MTA3: variants seen among roughly 807,000 people sequenced by gnomAD.
MTA3 encodes the protein metastasis associated 1 family member 3.
In MTA3, 34 loss-of-function variants were observed where a neutral mutation model predicts 83.5. The observed-to-expected ratio is 0.41, with a 90% CI of 0.31 to 0.54. MTA3 has a LOEUF of 0.54. MTA3 is among the 20% of genes least tolerant of loss of function. The pLI is 0.33. For synonymous variants in MTA3, 303 were observed against 252.7 expected (o/e 1.20, Z -1.89); for missense variants, 761 against 726.4 (o/e 1.05, Z -0.55).
intron 2 of MTA3, among the ~76,000 whole-genome samples, chr2:42,574,012 T>A (rs1302813446): frequency 6.7e-6 from 1 of 149,690 alleles, no homozygotes; most frequent in Non-Finnish European, 1.5e-5. Context: ...TTATTTATTA[T>A]TTATTAGTAG....
intron 3 of MTA3, among the ~76,000 whole-genome samples, chr2:42,588,880 G>T (rs1459922573): frequency 2.6e-5 from 4 of 151,976 alleles, no homozygotes; most frequent in Non-Finnish European, 5.9e-5. Context: ...GCAAGGAACT[G>T]GTTTACATAA....
chr2:42,742,983 C>G (rs1216816488), intron 16 of MTA3, among the ~76,000 whole-genome samples: 1 of 152,136 alleles, frequency 6.6e-6, no homozygotes. Flanking sequence ...TTTTGAGGAG[C>G]ATTGAAGGCA....
At chr2:42,507,983 A>G (rs536300845) in intron 2 of MTA3, among the ~76,000 whole-genome samples, 2 of 152,152 alleles carry the variant, frequency 1.3e-5, no homozygotes, top group South Asian at 4.1e-4. Flanking sequence ...AGTTAAAAAA[A>G]ATCTGAGCAT....
chr2:42,704,299 A>G lies in MTA3; in HGVS notation c.1131A>G (p.Arg377=). The change falls in exon 12 of 17, where the codon AGA becomes AGG. Residue 377 remains arginine (R), a synonymous_variant. Coordinates refer to ENST00000405094, the MANE Select transcript of MTA3 (RefSeq NM_001330442.2). The stretch of plus-strand genomic sequence containing the variant: ...AGCCTCAGAATCCTCTCTTAGGGAG[A>G]GCCTGTGAGAGCTGCTATGGTAAGT... ...TFQPQNPLLG[R]ACESCYATQS... 1 of 1,613,826 alleles carries G rather than the reference A, an allele frequency of 6.2e-7. No homozygotes were observed. Among genetic ancestry groups the G allele is most frequent in the Non-Finnish European group, 8.5e-7 (1 of 1,179,806 alleles).
intron 3 of MTA3, 145 bp from the exon 4 acceptor site, chr2:42,609,313 T>C: frequency 2.3e-6 from 2 of 854,560 alleles, no homozygotes; most frequent in Middle Eastern, 3.0e-4. Flanking sequence ...ATTACAAGCA[T>C]GAGCCACTGC....
chr2:42,723,204 G>A lies in MTA3; in HGVS notation c.1759+169G>A, dbSNP rs140322866. On this transcript the variant is annotated intron_variant, in intron 16 of 16. Transcript: ENST00000405094. ...CAGCCATATGCCACATTTTGCCAAG[G>A]GATAGTTCTCCATCCCATCAGGAGG... 4.1e-4 allele frequency: 333 copies of A among 805,436 alleles called. 2 individuals are homozygous for A. Among genetic ancestry groups the A allele is most frequent in the South Asian group, 2.6e-3 (138 of 52,652 alleles). The allele number at this position is 805,436 out of a possible 1,614,324, so 49.9% of individuals were successfully genotyped here. A position where few individuals can be genotyped will look rare whatever the true frequency, so the allele number is the denominator to read the frequency against.
intron 9 of MTA3, among the ~76,000 whole-genome samples, chr2:42,694,260 G>T (rs73930455): frequency 6.6e-6 from 1 of 151,806 alleles, no homozygotes; most frequent in South Asian, 2.1e-4. Context: ...AGCCACCCTG[G>T]GTGTCTCCCT....
At chr2:42,534,849 C>A (rs1676145044) in intron 2 of MTA3, among the ~76,000 whole-genome samples, 1 of 151,968 alleles carries the variant, frequency 6.6e-6, no homozygotes, top group African/African-American at 2.4e-5. Context: ...GTCTTGAATC[C>A]TGAGCTCAAG....
intron 2 of MTA3, among the ~76,000 whole-genome samples, chr2:42,573,902 T>C (rs1217736709): frequency 6.6e-6 from 1 of 151,824 alleles, no homozygotes; most frequent in East Asian, 1.9e-4. Flanking sequence ...CACTGCAAGC[T>C]CCGCCTCCTG....
chr2:42,652,489 T>G (rs941660094), intron 6 of MTA3, among the ~76,000 whole-genome samples: 1 of 152,138 alleles, frequency 6.6e-6, no homozygotes, highest in Non-Finnish European at 1.5e-5. Context: ...AGGTGAAATA[T>G]TCTGGTTTTA....
Position 42,749,660 on chromosome 2 carries a change from G to T in MTA3, c.1760-3714G>T, listed in dbSNP as rs189344244. On this transcript the variant is annotated intron_variant, in intron 16 of 16. Transcript: ENST00000405094. ...TTTTTGTAGTTTTAGGAGAGACAGG[G>T]TTTTGTCGTGTTGGCCAGGCTGGTC... 3.9e-3 allele frequency among the ~76,000 whole-genome samples: 597 copies of T among 152,126 alleles called. 2 individuals are homozygous for T. The highest frequency in any genetic ancestry group is 5.6e-3 in the Non-Finnish European group (379 of 67,990).
intron 2 of MTA3, among the ~76,000 whole-genome samples, chr2:42,550,898 C>T (rs190843611): frequency 1.3e-5 from 2 of 151,768 alleles, no homozygotes; most frequent in Admixed American, 6.6e-5. Flanking sequence ...AAAAATTAGC[C>T]GGGCATGGTG....
intron 4 of MTA3, among the ~76,000 whole-genome samples, chr2:42,639,340 A>ACG (rs1687491904): frequency 6.6e-6 from 1 of 151,970 alleles, no homozygotes; most frequent in Non-Finnish European, 1.5e-5. Flanking sequence ...ATTTTAAAGA[A>ACG]ACATTGTGTG....
rs753432347 is a variant in MTA3 at position 42,708,847 on chromosome 2, A to T, written c.1303-27A>T. 7 of 1,611,742 alleles carry T rather than the reference A, an allele frequency of 4.3e-6. No homozygotes were observed. The African/African-American group carries it at 9.4e-5, about 22-fold the overall frequency. ...GTGTTTGGGCAAGTTCACTTCCTTG[A>T]GTGTTTGTTGTTTTCTGATTTTGCA... is the stretch of plus-strand genomic sequence containing the variant. On this transcript the variant is annotated intron_variant, in intron 13 of 16. Transcript: ENST00000405094.
intron 2 of MTA3, among the ~76,000 whole-genome samples, chr2:42,526,167 A>G (rs1408237635): frequency 6.6e-6 from 1 of 152,148 alleles, no homozygotes; most frequent in Non-Finnish European, 1.5e-5. Flanking sequence ...ATAAAGCCCC[A>G]GAGAAAGGCC....
At chr2:42,627,025 G>T (rs529873611) in intron 4 of MTA3, among the ~76,000 whole-genome samples, 1 of 152,306 alleles carries the variant, frequency 6.6e-6, no homozygotes, top group Admixed American at 6.5e-5. Context: ...ACAGGCATGA[G>T]CCACTGCACC....
At chr2:42,617,700 C>T (rs746425311) in intron 4 of MTA3, among the ~76,000 whole-genome samples, 5 of 151,872 alleles carry the variant, frequency 3.3e-5, no homozygotes, top group East Asian at 1.9e-4. Flanking sequence ...CACTTGAACC[C>T]GGGAGGCGGA....
chr2:42,646,463 C>T (rs1573457860), intron 6 of MTA3, among the ~76,000 whole-genome samples: 2 of 152,136 alleles, frequency 1.3e-5, no homozygotes, highest in African/African-American at 4.8e-5. Flanking sequence ...TTCTAGATGC[C>T]AGTAACAACA....
rs573974431 is a variant in MTA3, at chr2:42,737,572, C to G, written c.1759+14537C>G. Among the ~76,000 whole-genome samples the G allele has an allele frequency of 2.2e-4, 33 of 152,274 alleles. 1 individual carries two copies. The South Asian group carries it at 6.6e-3, about 31-fold the overall frequency. ...GTGCTTTTTTGTGTAGCTAGTTCTTCAATTTGGTGTTCCTTCAGCAGGGAC... is the reference window on the plus strand; with the variant it reads ...GTGCTTTTTTGTGTAGCTAGTTCTTGAATTTGGTGTTCCTTCAGCAGGGAC... On this transcript the variant is annotated intron_variant, in intron 16 of 16. Coordinates refer to ENST00000405094, the MANE Select transcript of MTA3 (RefSeq NM_001330442.2).
Sources: gnomAD v4.1 joint callset for allele counts (sites outside exome capture counted in the v4.1 genomes callset) on GRCh38, gnomAD v4.1.1 for gene constraint, MANE v1.5 for transcripts, NCBI Gene and HGNC (gene_info 2026-07-23, HGNC 2026-07-21) for gene names.